Variants in GRWD1 observed in about 807,000 individuals in gnomAD.
The protein encoded by GRWD1 is glutamate-rich WD repeat-containing protein 1.
A neutral mutation model predicts 45.3 loss-of-function variants in GRWD1; 29 were observed. The ratio of observed to expected loss-of-function variants is 0.64; its 90% CI spans 0.48 to 0.87. The LOEUF (loss-of-function observed/expected upper bound fraction) is 0.87, where lower values mean the gene tolerates loss of function less well. Ranked by LOEUF, GRWD1 falls within the 40% of genes least tolerant of loss-of-function variation. The pLI is 0.00. For missense variants in GRWD1, 592 were observed against 618.8 expected (o/e 0.96, Z 0.46); for synonymous variants, 262 against 257.6 (o/e 1.02, Z -0.16).
At position 48,456,947 on chromosome 19, in the gene GRWD1, C is replaced by A. The variant is rs1368858500; in HGVS notation, c.*3922C>A. ...TCACGCATTCCTCCTGAGTTGGACT[C>A]CCAAAGTGCTAGGATTACAGGTGTG... On this transcript the variant is annotated 3_prime_UTR_variant, in exon 7 of 7. Transcript: ENST00000253237. 1 of 151,608 alleles carries A rather than the reference C, an allele frequency of 6.6e-6. No individual in the cohort carries two copies. The highest frequency in any genetic ancestry group is 1.5e-5 in the Non-Finnish European group (1 of 67,998). 9.4% of individuals were successfully genotyped at this position (151,608 alleles called of 1,614,324 possible). A position where few individuals can be genotyped will look rare whatever the true frequency, so the allele number is the denominator to read the frequency against.
chr19:48,455,899 A>G lies in GRWD1; in HGVS notation c.*2874A>G, dbSNP rs1251643531. The G allele has an allele frequency of 6.6e-6, 1 of 152,304 alleles. No individual in the cohort carries two copies. Among genetic ancestry groups the G allele is most frequent in the African/African-American group, 2.4e-5 (1 of 41,420 alleles). 9.4% of individuals were successfully genotyped at this position (152,304 alleles called of 1,614,324 possible). On this transcript the variant is annotated 3_prime_UTR_variant, in exon 7 of 7. Transcript: ENST00000253237. ...TGAGAGTCCAGTGGGGGCTGTGGGC[A>G]TGTCGGGAGCTCATCACGAGGCCTC...
In GRWD1 at chr19:48,450,714, C is replaced by A; in HGVS notation, c.731C>A (p.Pro244His). Residue 244 changes from proline to histidine, a missense_variant, in exon 5 of 7, where the codon CCT becomes CAT. Pro to His is a moderately conservative substitution (Grantham distance 77). Coordinates refer to ENST00000253237, the MANE Select transcript of GRWD1 (RefSeq NM_031485.4). The surrounding 1 kb of genome is among the most constrained non-coding windows in gnomAD (Gnocchi z 5.1). Reference sequence around the variant, plus strand: ...CAAAAGAACATCCACCTCTGGACACCTACGGACGGCGGCTCCTGGCACGTG... The same window carrying A: ...CAAAAGAACATCCACCTCTGGACACATACGGACGGCGGCTCCTGGCACGTG... ...DCQKNIHLWT[P>H]TDGGSWHVDQ... is the part of the protein sequence containing the mutation. 1.2e-6 allele frequency: 2 copies of A among 1,614,076 alleles called. No individual in the cohort carries two copies. Among genetic ancestry groups the A allele is most frequent in the Middle Eastern group, 3.3e-4 (2 of 6,054 alleles).
In GRWD1 at chr19:48,450,587, G is replaced by T; in HGVS notation, c.682+61G>T. The T allele has an allele frequency of 1.2e-6, 2 of 1,609,974 alleles. No homozygotes were observed. Among genetic ancestry groups the T allele is most frequent in the Non-Finnish European group, 1.7e-6 (2 of 1,177,394 alleles). ...CGGGGGAGCAGGGTCTGCAACAAGGGGCCGGGCGCTTAGACTCCAAGGAGG... is the reference window on the plus strand; with the variant it reads ...CGGGGGAGCAGGGTCTGCAACAAGGTGCCGGGCGCTTAGACTCCAAGGAGG... On this transcript the variant is annotated intron_variant, in intron 4 of 6. Coordinates refer to ENST00000253237, the MANE Select transcript of GRWD1 (RefSeq NM_031485.4). The surrounding 1 kb of genome is among the most constrained non-coding windows in gnomAD (Gnocchi z 5.1).
chr19:48,452,800 G>A lies in GRWD1; in HGVS notation c.1116G>A (p.Ser372=), dbSNP rs144006709. The A allele has an allele frequency of 1.9e-4, 310 of 1,612,592 alleles. No individual in the cohort carries two copies. Among genetic ancestry groups the A allele is most frequent in the Non-Finnish European group, 2.3e-4 (272 of 1,178,952 alleles). The change falls in exon 7 of 7, where the codon TCG becomes TCA. Residue 372 remains serine, a synonymous_variant. Coordinates refer to ENST00000253237, the MANE Select transcript of GRWD1 (RefSeq NM_031485.4). This position sits in a 1 kb window ranked among gnomAD's most constrained non-coding sequence, Gnocchi z 5.1. ...HPQDSGVFAA[S]GADHQITQWD... Reference sequence around the variant, plus strand: ...AGGACAGCGGGGTCTTTGCAGCCTCGGGTGCAGACCACCAGATCACACAGT... The same window carrying A: ...AGGACAGCGGGGTCTTTGCAGCCTCAGGTGCAGACCACCAGATCACACAGT...
chr19:48,451,174 C>T lies in GRWD1; in HGVS notation c.966C>T (p.Phe322=). The change falls in exon 6 of 7, where the codon TTC becomes TTT. Residue 322 remains phenylalanine (F), a synonymous_variant. Coordinates refer to ENST00000253237, the MANE Select transcript of GRWD1 (RefSeq NM_031485.4). ...TCAGCTGGAGCCGCCGGGAGCCCTT[C>T]CTGCTCAGTGGCGGGGATGATGGGG... ...NVISWSRREP[F]LLSGGDDGAL... 1 of 1,613,318 alleles carries T rather than the reference C, an allele frequency of 6.2e-7. No homozygotes were observed. Among genetic ancestry groups the T allele is most frequent in the Non-Finnish European group, 8.5e-7 (1 of 1,179,452 alleles).
intron 3 of GRWD1, among the ~76,000 whole-genome samples, chr19:48,447,119 G>A (rs1472244723): frequency 1.4e-5 from 2 of 147,056 alleles, no homozygotes; most frequent in Non-Finnish European, 3.0e-5. Flanking sequence ...TGTTGTCCAG[G>A]CTGGAGTGCA....
Position 48,451,112 on chromosome 19 carries a change from A to G in GRWD1, c.904A>G (p.Thr302Ala). The change falls in exon 6 of 7, where the codon ACC (threonine) becomes GCC (alanine). Residue 302 changes from threonine (T) to alanine (A), a missense_variant. By Grantham distance (58) the Thr-to-Ala change is moderately conservative (BLOSUM62 0). Coordinates refer to ENST00000253237, the MANE Select transcript of GRWD1 (RefSeq NM_031485.4). ...RAAPSKACML[T>A]TATAHDGDVN... ...AGCCCCCAGCAAGGCCTGCATGCTCACCACAGCCACCGCCCATGATGGGGA... is the reference window on the plus strand; with the variant it reads ...AGCCCCCAGCAAGGCCTGCATGCTCGCCACAGCCACCGCCCATGATGGGGA... 1 of 1,614,080 alleles carries G rather than the reference A, an allele frequency of 6.2e-7. No individual in the cohort carries two copies. Among genetic ancestry groups the G allele is most frequent in the African/African-American group, 1.3e-5 (1 of 75,044 alleles).
At position 48,446,091 on chromosome 19, in the gene GRWD1, C is replaced by T. The variant is rs766374937; in HGVS notation, c.86C>T (p.Pro29Leu). Reference protein sequence around the residue: ...AESGDTSSEGPAQVYLPGRGP... With the variant: ...AESGDTSSEGLAQVYLPGRGP... ...TCCGGCGACACAAGTTCCGAGGGCC[C>T]GGCCCAGGTCTACCTGCCCGGCCGG... The change falls in exon 1 of 7, where the codon CCG becomes CTG. Residue 29 changes from proline to leucine, a missense_variant. By Grantham distance (98) the Pro-to-Leu change is moderately conservative. Coordinates refer to ENST00000253237, the MANE Select transcript of GRWD1 (RefSeq NM_031485.4). 3 of 1,594,718 alleles carry T rather than the reference C, an allele frequency of 1.9e-6. No individual in the cohort carries two copies. Among genetic ancestry groups the T allele is most frequent in the African/African-American group, 2.7e-5 (2 of 74,706 alleles).
chr19:48,447,740 C>A (rs908103842), intron 3 of GRWD1, among the ~76,000 whole-genome samples: 3 of 152,296 alleles, frequency 2.0e-5, no homozygotes, highest in East Asian at 1.9e-4. Flanking sequence ...CTATTATGAT[C>A]AGTGTCATTA....
At position 48,450,059 on chromosome 19, in the gene GRWD1, C is replaced by G. The variant is rs947507310; in HGVS notation, c.469-254C>G. ...AATTGCAGCCTCAACTCCCAGGCAT[C>G]CTGGGGCTCTATCCTCCCACCTCAG... On this transcript the variant is annotated intron_variant, in intron 3 of 6. Coordinates refer to ENST00000253237, the MANE Select transcript of GRWD1 (RefSeq NM_031485.4). The surrounding 1 kb of genome is among the most constrained non-coding windows in gnomAD (Gnocchi z 5.1). 6.6e-6 allele frequency among the ~76,000 whole-genome samples: 1 copy of G among 152,028 alleles called. No homozygotes were observed. Among genetic ancestry groups the G allele is most frequent in the African/African-American group, 2.4e-5 (1 of 41,400 alleles).
chr19:48,449,853 A>C (rs914708137), intron 3 of GRWD1, among the ~76,000 whole-genome samples: 1 of 152,228 alleles, frequency 6.6e-6, no homozygotes, highest in African/African-American at 2.4e-5. Context: ...TCAATGCAGT[A>C]AGAGTCTGGA....
At chr19:48,446,646 A>T in intron 2 of GRWD1, 35 bp from the exon 3 acceptor site, 1 of 1,558,872 alleles carries the variant, frequency 6.4e-7, no homozygotes, top group African/African-American at 1.4e-5. Flanking sequence ...GAATCCTGGA[A>T]TCTAGTGCCT....
At position 48,452,387 on chromosome 19, in the gene GRWD1, C is replaced by T. The variant is rs1033728301; in HGVS notation, c.1024-321C>T. 1.6e-4 allele frequency among the ~76,000 whole-genome samples: 25 copies of T among 151,886 alleles called. No individual in the cohort carries two copies. The highest frequency in any genetic ancestry group is 2.7e-4 in the Non-Finnish European group (18 of 67,924). On this transcript the variant is annotated intron_variant, in intron 6 of 6. Coordinates refer to ENST00000253237, the MANE Select transcript of GRWD1 (RefSeq NM_031485.4). The surrounding 1 kb of genome is among the most constrained non-coding windows in gnomAD (Gnocchi z 5.1). ...TGCTGAGATTACAGTCGTGAGCCACCGCACCCAGCCCATGCCCTCCTTTTA... is the reference window on the plus strand; with the variant it reads ...TGCTGAGATTACAGTCGTGAGCCACTGCACCCAGCCCATGCCCTCCTTTTA...
chr19:48,448,993 G>A lies in GRWD1; in HGVS notation c.469-1320G>A, dbSNP rs562916543. 3.4e-4 allele frequency among the ~76,000 whole-genome samples: 52 copies of A among 152,266 alleles called. No homozygotes were observed. The Middle Eastern group carries it at 0.02, about 60-fold the overall frequency. ...TATCAATTGCAGAGAGGTAAGGGTC[G>A]GAGGAAAGAATCCTGTGGGGAGACT... is the stretch of plus-strand genomic sequence containing the variant. On this transcript the variant is annotated intron_variant, in intron 3 of 6. Coordinates refer to ENST00000253237, the MANE Select transcript of GRWD1 (RefSeq NM_031485.4).
At position 48,446,118 on chromosome 19, in the gene GRWD1, G is replaced by T. The variant is rs1402850141; in HGVS notation, c.113G>T (p.Gly38Val). 1 of 1,602,854 alleles carries T rather than the reference G, an allele frequency of 6.2e-7. No homozygotes were observed. The highest frequency in any genetic ancestry group is 2.2e-5 in the East Asian group (1 of 44,494). Reference protein sequence around the residue: ...GPAQVYLPGRGPPLREGEELV... With the variant: ...GPAQVYLPGRVPPLREGEELV... ...GCCCAGGTCTACCTGCCCGGCCGGGGGCCGCCGCTACGCGAAGGGGAGGAG... is the reference window on the plus strand; with the variant it reads ...GCCCAGGTCTACCTGCCCGGCCGGGTGCCGCCGCTACGCGAAGGGGAGGAG... The change falls in exon 1 of 7, where the codon GGG (glycine) becomes GTG (valine). Residue 38 changes from glycine to valine, a missense_variant. Gly to Val is a moderately radical substitution (Grantham distance 109). Coordinates refer to ENST00000253237, the MANE Select transcript of GRWD1 (RefSeq NM_031485.4).
At position 48,453,961 on chromosome 19, in the gene GRWD1, G is replaced by C. The variant is rs971389965; in HGVS notation, c.*936G>C. ...CCTATGAGGAAACGGGGTGTGGGGG[G>C]AGTTTGGGGGTGGGGAGGAATTTGG... On this transcript the variant is annotated 3_prime_UTR_variant, in exon 7 of 7. Coordinates refer to ENST00000253237, the MANE Select transcript of GRWD1 (RefSeq NM_031485.4). The C allele has an allele frequency of 6.6e-6, 1 of 152,172 alleles. No individual in the cohort carries two copies. The highest frequency in any genetic ancestry group is 1.5e-5 in the Non-Finnish European group (1 of 68,104). 9.4% of individuals were successfully genotyped at this position (152,172 alleles called of 1,614,324 possible).
rs1971539351 is a variant in GRWD1, at chr19:48,456,324, C to T, written c.*3299C>T. 1 of 152,404 alleles carries T rather than the reference C, an allele frequency of 6.6e-6. No homozygotes were observed. The highest frequency in any genetic ancestry group is 1.5e-5 in the Non-Finnish European group (1 of 68,198). 9.4% of individuals were successfully genotyped at this position (152,404 alleles called of 1,614,324 possible). On this transcript the variant is annotated 3_prime_UTR_variant, in exon 7 of 7. Transcript: ENST00000253237. ...CTGATGTTGACCTCCAGGCCGCCCCCTTGGGCAACGAGCCTATTTCCCCTT... is the reference window on the plus strand; with the variant it reads ...CTGATGTTGACCTCCAGGCCGCCCCTTTGGGCAACGAGCCTATTTCCCCTT...
At chr19:48,449,599 G>A (rs747548690) in intron 3 of GRWD1, among the ~76,000 whole-genome samples, 4 of 152,194 alleles carry the variant, frequency 2.6e-5, no homozygotes, top group Non-Finnish European at 5.9e-5. Context: ...GATGCAGAAG[G>A]ATCGCTTGAG....
At position 48,451,173 on chromosome 19, in the gene GRWD1, T is replaced by TC; in HGVS notation, c.967dup (p.Leu323ProfsTer7). ...ATCAGCTGGAGCCGCCGGGAGCCCT[T>TC]CCTGCTCAGTGGCGGGGATGATGGG... On this transcript the variant is annotated frameshift_variant, in exon 6 of 7. Coordinates refer to ENST00000253237, the MANE Select transcript of GRWD1 (RefSeq NM_031485.4). LOFTEE classifies it high-confidence loss of function. 6.2e-7 allele frequency: 1 copy of TC among 1,613,282 alleles called. No homozygotes were observed. Among genetic ancestry groups the TC allele is most frequent in the Non-Finnish European group, 8.5e-7 (1 of 1,179,432 alleles).
Sources: allele counts gnomAD v4.1 joint callset (sites outside exome capture counted in the v4.1 genomes callset), GRCh38; gene constraint gnomAD v4.1.1; non-coding constraint Gnocchi (gnomAD v3.1); transcripts MANE v1.5; gene names NCBI Gene and HGNC (gene_info 2026-07-23, HGNC 2026-07-21).